The following ZNF414 variants were observed in gnomAD, a reference collection of about 807,000 sequenced individuals.
The protein encoded by ZNF414 is zinc finger protein 414.
ZNF414 carries 32 observed loss-of-function variants against 38.3 expected under a neutral mutation model. The observed-to-expected ratio is 0.83, with a 90% CI of 0.63 to 1.12. The LOEUF is 1.12. ZNF414 is among the 50% of genes most tolerant of loss of function. The pLI is 0.00. For synonymous variants in ZNF414, 256 were observed against 248.0 expected (o/e 1.03, Z -0.30); for missense variants, 589 against 557.4 (o/e 1.06, Z -0.57).
chr19:8,510,822 CT>C, intron 7 of ZNF414, 28 bp downstream of exon 7: 4 of 1,473,272 alleles, frequency 2.7e-6, no homozygotes, highest in Non-Finnish European at 3.6e-6. Context: ...CCCCGCCCCC[CT>C]CTCCACCCGC....
Position 8,512,715 on chromosome 19 carries a change from C to A in ZNF414, c.317-4G>T, listed in dbSNP as rs371983905. On this transcript the variant is annotated splice_polypyrimidine_tract_variant and splice_region_variant and intron_variant, in intron 2 of 7. Transcript: ENST00000393927. ...CTGGAGCAAGGGATTTGCTTCCCTG[C>A]AGGACGCACAGAACAGTGGTCACTG... 422 of 1,516,760 alleles carry A rather than the reference C, an allele frequency of 2.8e-4. No homozygotes were observed. Among genetic ancestry groups the A allele is most frequent in the Admixed American group, 6.5e-4 (29 of 44,952 alleles). The allele number at this position is 1,516,760 out of a possible 1,614,324, so 94.0% of individuals were successfully genotyped here. A position where few individuals can be genotyped will look rare whatever the true frequency, so the allele number is the denominator to read the frequency against.
intron 1 of ZNF414, 101 bp from the exon 2 acceptor site, chr19:8,513,442 G>A (rs893328431): frequency 3.4e-6 from 4 of 1,160,042 alleles, no homozygotes; most frequent in Admixed American, 3.1e-5. Flanking sequence ...AGGGGAATAC[G>A]TAAGGGTGGA....
intron 3 of ZNF414, 46 bp from the exon 4 acceptor site, chr19:8,512,538 T>A (rs911131208): frequency 1.2e-6 from 2 of 1,612,692 alleles, no homozygotes; most frequent in Non-Finnish European, 1.7e-6. Context: ...TGGCCAAGGC[T>A]GGCTCCGAGG....
rs1177833260 is a variant in ZNF414 at position 8,510,958 on chromosome 19, G to C, written c.992C>G (p.Ala331Gly). Residue 331 changes from alanine (A) to glycine (G), a missense_variant, in exon 7 of 8, where the codon GCC becomes GGC. By Grantham distance (60) the Ala-to-Gly change is moderately conservative. Transcript: ENST00000393927. ...GGCGGGCCGCGAGGCCGTGGAGAAG[G>C]CGCACTGCATGCACGAGTAGCGGCC... is the stretch of plus-strand genomic sequence containing the variant. ...TRGRYSCMQC[A>G]FSTASRPAMT... 1 of 1,256,438 alleles carries C rather than the reference G, an allele frequency of 8.0e-7. No individual in the cohort carries two copies. The highest frequency in any genetic ancestry group is 1.0e-6 in the Non-Finnish European group (1 of 999,690). The allele number at this position is 1,256,438 out of a possible 1,614,324, so 77.8% of individuals were successfully genotyped here.
chr19:8,511,635 C>G lies in ZNF414; in HGVS notation c.856G>C (p.Val286Leu). The G allele has an allele frequency of 6.6e-7, 1 of 1,508,646 alleles. No homozygotes were observed. Among genetic ancestry groups the G allele is most frequent in the South Asian group, 1.3e-5 (1 of 76,134 alleles). The allele number at this position is 1,508,646 out of a possible 1,614,324, so 93.5% of individuals were successfully genotyped here. A position where few individuals can be genotyped will look rare whatever the true frequency, so the allele number is the denominator to read the frequency against. The change falls in exon 5 of 8, where the codon GTC (valine) becomes CTC (leucine). Residue 286 changes from valine to leucine, a missense_variant. Transcript: ENST00000393927. ...CACTCACCTTGGCTCTTTTTCCAGA[C>G]GGCGGCGCTGGAAGCCGGCGGCCCG... The part of the protein sequence containing the change: ...APGPPASSAA[V>L]WKKSQGAGSS...
Position 8,512,421 on chromosome 19 carries a change from T to C in ZNF414, c.496A>G (p.Ser166Gly), listed in dbSNP as rs147047657. The C allele has an allele frequency of 5.0e-6, 8 of 1,613,550 alleles. No homozygotes were observed. The highest frequency in any genetic ancestry group is 1.3e-5 in the African/African-American group (1 of 74,732). The change falls in exon 4 of 8, where the codon AGC becomes GGC. Residue 166 changes from serine to glycine, a missense_variant. By Grantham distance (56) the Ser-to-Gly change is moderately conservative (BLOSUM62 0). Transcript: ENST00000393927. ...CGATTGGGTTTGTAGTGCAGTTTGC[T>C]GTGAGCCACCAGCTCCTGCATGCTG... ...FPSMQELVAHSKLHYKPNRYF... is the reference protein window; with the variant it reads ...FPSMQELVAHGKLHYKPNRYF...
Position 8,514,159 on chromosome 19 carries a change from T to C in ZNF414, c.-113A>G, listed in dbSNP as rs1971958460. ...TCACGTCAGCGCCATTTTCCACCTC[T>C]CAGCTCTCGCGAGACTGGGGGCGGG... is the stretch of plus-strand genomic sequence containing the variant. On this transcript the variant is annotated 5_prime_UTR_variant, in exon 1 of 8. Coordinates refer to ENST00000393927, the MANE Select transcript of ZNF414 (RefSeq NM_001146175.2). The C allele has an allele frequency of 7.7e-7, 1 of 1,298,684 alleles. No individual in the cohort carries two copies. Among genetic ancestry groups the C allele is most frequent in the Non-Finnish European group, 9.9e-7 (1 of 1,007,614 alleles). 80.4% of individuals were successfully genotyped at this position (1,298,684 alleles called of 1,614,324 possible).
intron 4 of ZNF414, 87 bp downstream of exon 4, chr19:8,512,300 C>A: frequency 6.4e-7 from 1 of 1,554,018 alleles, no homozygotes; most frequent in Non-Finnish European, 8.8e-7. Context: ...CGCCCTCCAA[C>A]ACCCTGACCA....
rs757517538 is a variant in ZNF414 at position 8,511,545 on chromosome 19, A to C, written c.875-9T>G. The C allele has an allele frequency of 4.1e-5, 65 of 1,594,586 alleles. No individual in the cohort carries two copies. Among genetic ancestry groups the C allele is most frequent in the Non-Finnish European group, 5.5e-5 (64 of 1,170,740 alleles). Reference sequence around the variant, plus strand: ...GGGGCTGCTGCCAGCACCTGCGGTAAAGGGGCGGGTCAAGTTCAGAGTCAG... The same window carrying C: ...GGGGCTGCTGCCAGCACCTGCGGTACAGGGGCGGGTCAAGTTCAGAGTCAG... On this transcript the variant is annotated splice_polypyrimidine_tract_variant and intron_variant, in intron 5 of 7. Transcript: ENST00000393927.
Position 8,511,873 on chromosome 19 carries a change from G to C in ZNF414, c.618C>G (p.Ala206=), listed in dbSNP as rs1971921604. 1.4e-6 allele frequency: 2 copies of C among 1,407,020 alleles called. No individual in the cohort carries two copies. Among genetic ancestry groups the C allele is most frequent in the Non-Finnish European group, 1.8e-6 (2 of 1,088,978 alleles). 87.2% of individuals were successfully genotyped at this position (1,407,020 alleles called of 1,614,324 possible). ...HVCAEHAQSP[A]PPPPPALDRE... is the part of the protein sequence containing the mutation. ...GGTCCAGGGCCGGGGGTGGCGGCGG[G>C]GCTGGGCTCTGCGCATGCTCCGCGC... Residue 206 remains alanine (A), a synonymous_variant, in exon 5 of 8, where the codon GCC becomes GCG. Transcript: ENST00000393927.
intron 3 of ZNF414, 49 bp downstream of exon 3, chr19:8,512,555 G>T (rs201416286): frequency 2.4e-5 from 38 of 1,607,274 alleles, no homozygotes; most frequent in South Asian, 1.4e-4. Flanking sequence ...GAGGGGCTCC[G>T]CCTGTTTCCC....
Position 8,511,926 on chromosome 19 carries a change from G to T in ZNF414, c.565C>A (p.Arg189Ser). Residue 189 changes from arginine to serine, a missense_variant, in exon 5 of 8, where the codon CGC (arginine) becomes AGC (serine). Coordinates refer to ENST00000393927, the MANE Select transcript of ZNF414 (RefSeq NM_001146175.2). ...ACATGCAGGTGCTTGAAGAGCGAGC[G>T]GTGCGTGCGGAAGCGCAGGAGGCAG... is the stretch of plus-strand genomic sequence containing the variant. ...ENCLLRFRTH[R>S]SLFKHLHVCA... 4.2e-6 allele frequency: 6 copies of T among 1,415,440 alleles called. No homozygotes were observed. Among genetic ancestry groups the T allele is most frequent in the Non-Finnish European group, 5.5e-6 (6 of 1,092,872 alleles). The allele number at this position is 1,415,440 out of a possible 1,614,324, so 87.7% of individuals were successfully genotyped here. A position where few individuals can be genotyped will look rare whatever the true frequency, so the allele number is the denominator to read the frequency against.
chr19:8,511,859 G>C lies in ZNF414; in HGVS notation c.632C>G (p.Pro211Arg). 7.1e-7 allele frequency: 1 copy of C among 1,402,374 alleles called. No homozygotes were observed. The allele number at this position is 1,402,374 out of a possible 1,614,324, so 86.9% of individuals were successfully genotyped here. Residue 211 changes from proline (P) to arginine (R), a missense_variant, in exon 5 of 8, where the codon CCG (proline) becomes CGG (arginine). By Grantham distance (103) the Pro-to-Arg change is moderately radical. Coordinates refer to ENST00000393927, the MANE Select transcript of ZNF414 (RefSeq NM_001146175.2). ...CGCGGGCGGCTCTCGGTCCAGGGCC[G>C]GGGGTGGCGGCGGGGCTGGGCTCTG... The part of the protein sequence containing the change: ...HAQSPAPPPP[P>R]ALDREPPAPE...
At chr19:8,512,741 G>T in intron 2 of ZNF414, 30 bp from the exon 3 acceptor site, 2 of 1,469,712 alleles carry the variant, frequency 1.4e-6, no homozygotes, top group Non-Finnish European at 1.8e-6. Flanking sequence ...GTGGTCACTG[G>T]TCCCTTCCTC....
At position 8,514,125 on chromosome 19, in the gene ZNF414, A is replaced by G; in HGVS notation, c.-79T>C. On this transcript the variant is annotated 5_prime_UTR_variant, in exon 1 of 8. Transcript: ENST00000393927. The stretch of plus-strand genomic sequence containing the variant: ...CGGCGGCCACCCTCTGGGCAGTGCG[A>G]GTTCGCGCTCACGTCAGCGCCATTT... The G allele has an allele frequency of 1.4e-6, 2 of 1,394,626 alleles. No homozygotes were observed. The highest frequency in any genetic ancestry group is 1.9e-6 in the Non-Finnish European group (2 of 1,073,492). 86.4% of individuals were successfully genotyped at this position (1,394,626 alleles called of 1,614,324 possible).
intron 2 of ZNF414, 97 bp from the exon 3 acceptor site, chr19:8,512,808 G>A (rs2145808016): frequency 7.9e-7 from 1 of 1,266,466 alleles, no homozygotes; most frequent in Admixed American, 2.9e-5. Context: ...ATGATGTGCT[G>A]GGGCCTTTAC....
In ZNF414 at chr19:8,514,128, T is replaced by G; in HGVS notation, c.-82A>C. 7.2e-7 allele frequency: 1 copy of G among 1,379,790 alleles called. No homozygotes were observed. The highest frequency in any genetic ancestry group is 1.6e-5 in the South Asian group (1 of 63,438). The allele number at this position is 1,379,790 out of a possible 1,614,324, so 85.5% of individuals were successfully genotyped here. On this transcript the variant is annotated 5_prime_UTR_variant, in exon 1 of 8. Transcript: ENST00000393927. ...CGGCCACCCTCTGGGCAGTGCGAGTTCGCGCTCACGTCAGCGCCATTTTCC... is the reference window on the plus strand; with the variant it reads ...CGGCCACCCTCTGGGCAGTGCGAGTGCGCGCTCACGTCAGCGCCATTTTCC...
chr19:8,510,438 G>T lies in ZNF414; in HGVS notation c.*253C>A. ...GTGGGGACCTGGGTCCCAGGATTGG[G>T]GTGATGGGAAGACAGGACACAGGTG... On this transcript the variant is annotated 3_prime_UTR_variant, in exon 8 of 8. Coordinates refer to ENST00000393927, the MANE Select transcript of ZNF414 (RefSeq NM_001146175.2). The T allele has an allele frequency of 2.8e-6, 1 of 362,116 alleles. No individual in the cohort carries two copies. Among genetic ancestry groups the T allele is most frequent in the Non-Finnish European group, 5.0e-6 (1 of 200,270 alleles). 22.4% of individuals were successfully genotyped at this position (362,116 alleles called of 1,614,324 possible).
Position 8,512,654 on chromosome 19 carries a change from T to A in ZNF414, c.374A>T (p.Asp125Val). The change falls in exon 3 of 8, where the codon GAC (aspartate) becomes GTC (valine). Residue 125 changes from aspartate (D) to valine (V), a missense_variant. Physicochemically the swap from Asp to Val is radical, Grantham distance 152 (BLOSUM62 -3). Transcript: ENST00000393927. Reference sequence around the variant, plus strand: ...GTGGGTTCGCAGATGCTGTGCCAGGTCACGGACGCTGGGAAAACTGAGGCA... The same window carrying A: ...GTGGGTTCGCAGATGCTGTGCCAGGACACGGACGCTGGGAAAACTGAGGCA... ...GCCLSFPSVRDLAQHLRTHCP... is the reference protein window; with the variant it reads ...GCCLSFPSVRVLAQHLRTHCP... 6.3e-7 allele frequency: 1 copy of A among 1,590,762 alleles called. No individual in the cohort carries two copies. Among genetic ancestry groups the A allele is most frequent in the South Asian group, 1.1e-5 (1 of 87,542 alleles).
Sources: gnomAD v4.1 joint callset for allele counts on GRCh38, gnomAD v4.1.1 for gene constraint, MANE v1.5 for transcripts, NCBI Gene and HGNC (gene_info 2026-07-23, HGNC 2026-07-21) for gene names.